Variants in CSMD3 observed in about 807,000 individuals in gnomAD.
CSMD3 encodes CUB and Sushi multiple domains 3.
A neutral mutation model predicts 435.2 loss-of-function variants in CSMD3; 177 were observed. The ratio of observed to expected loss-of-function variants is 0.41; its 90% CI spans 0.36 to 0.46. The LOEUF (loss-of-function observed/expected upper bound fraction) is 0.46. Among genes scored for constraint, CSMD3 ranks in the 20% least tolerant of loss-of-function variants. The pLI, the probability that CSMD3 is intolerant of heterozygous loss-of-function variation, is 0.34. For missense variants in CSMD3, 4,265 were observed against 4,504.6 expected (o/e 0.95, Z 1.52); for synonymous variants, 1,656 against 1,520.5 (o/e 1.09, Z -2.07).
At chr8:112,499,844 C>T (rs1447536365) in intron 30 of CSMD3, among the ~76,000 whole-genome samples, 1 of 151,868 alleles carries the variant, frequency 6.6e-6, no homozygotes, top group Non-Finnish European at 1.5e-5. Flanking sequence ...ATTGGCCAGG[C>T]GTGGTGGCTT....
intron 13 of CSMD3, among the ~76,000 whole-genome samples, chr8:112,701,291 GA>G (rs1420393040): frequency 1.1e-4 from 16 of 152,026 alleles, no homozygotes; most frequent in African/African-American, 3.1e-4. Flanking sequence ...TGATTTTTTT[GA>G]AAAGGGGATT....
At chr8:112,810,633 G>C (rs1461165083) in intron 12 of CSMD3, among the ~76,000 whole-genome samples, 1 of 151,952 alleles carries the variant, frequency 6.6e-6, no homozygotes, top group Non-Finnish European at 1.5e-5. Flanking sequence ...AGTTCAATCT[G>C]TACCCTTAAG....
At chr8:113,199,593 T>C (rs890674416) in intron 3 of CSMD3, among the ~76,000 whole-genome samples, 4 of 151,712 alleles carry the variant, frequency 2.6e-5, no homozygotes, top group Non-Finnish European at 5.9e-5. Context: ...ACACATCTAC[T>C]CTATAGGTTG....
chr8:113,137,743 A>T (rs1225693702), intron 4 of CSMD3, among the ~76,000 whole-genome samples: 1 of 151,588 alleles, frequency 6.6e-6, no homozygotes, highest in Non-Finnish European at 1.5e-5. Flanking sequence ...GAGCAGAACC[A>T]TCATGACTCA....
intron 13 of CSMD3, among the ~76,000 whole-genome samples, chr8:112,754,210 G>GA (rs1182722245): frequency 1.1e-4 from 17 of 152,088 alleles, no homozygotes; most frequent in Non-Finnish European, 2.4e-4. Context: ...ATTTTAAAAA[G>GA]AAAAAACTGC....
At chr8:113,087,411 G>A (rs1396260102) in intron 5 of CSMD3, among the ~76,000 whole-genome samples, 2 of 152,068 alleles carry the variant, frequency 1.3e-5, no homozygotes, top group Admixed American at 6.6e-5. Flanking sequence ...TCAATCCTAA[G>A]CCAAAAGAAC....
intron 38 of CSMD3, among the ~76,000 whole-genome samples, chr8:112,377,866 A>G (rs920518578): frequency 6.6e-6 from 1 of 152,110 alleles, no homozygotes; most frequent in East Asian, 1.9e-4. Flanking sequence ...TAAAGACCAT[A>G]TATGAAAAGC....
At chr8:112,575,670 G>T (rs1165460422) in intron 23 of CSMD3, among the ~76,000 whole-genome samples, 4 of 152,046 alleles carry the variant, frequency 2.6e-5, no homozygotes, top group Admixed American at 2.6e-4. Flanking sequence ...AAATGTTGAG[G>T]TTGGTAGCTC....
chr8:112,521,345 C>G (rs1824262925), intron 27 of CSMD3, among the ~76,000 whole-genome samples: 1 of 151,926 alleles, frequency 6.6e-6, no homozygotes, highest in Non-Finnish European at 1.5e-5. Flanking sequence ...GCTGCCATAT[C>G]CAGTGGTAAC....
intron 5 of CSMD3, among the ~76,000 whole-genome samples, chr8:113,031,421 A>G (rs2131240923): frequency 6.6e-6 from 1 of 151,824 alleles, no homozygotes; most frequent in Non-Finnish European, 1.5e-5. Flanking sequence ...CTCAAAAGTT[A>G]CAGATTATGT....
Position 112,406,532 on chromosome 8 carries a change from G to A in CSMD3, c.5801C>T (p.Thr1934Ile), listed in dbSNP as rs566491248. 1.2e-5 allele frequency: 19 copies of A among 1,602,402 alleles called. No homozygotes were observed. The East Asian group carries it at 1.3e-4, about 11-fold the overall frequency. Residue 1934 changes from threonine to isoleucine, a missense_variant, in exon 35 of 71, where the codon ACT (threonine) becomes ATT (isoleucine). By Grantham distance (89) the Thr-to-Ile change is moderately conservative (BLOSUM62 -1). Transcript: ENST00000297405. Reference sequence around the variant, plus strand: ...CAAATTTATATACTCACCAATACAAGTAGGTAAGGAATCATTCCACTGGGC... The same window carrying A: ...CAAATTTATATACTCACCAATACAAATAGGTAAGGAATCATTCCACTGGGC... ...SLAQWNDSLP[T>I]CIVPCGGILT... is the part of the protein sequence containing the mutation.
chr8:113,417,737 CA>C (rs1458038691), intron 1 of CSMD3, among the ~76,000 whole-genome samples: 4 of 151,848 alleles, frequency 2.6e-5, no homozygotes, highest in Non-Finnish European at 5.9e-5. Context: ...AGCAAGTCTT[CA>C]AGATACATTT....
At chr8:112,503,263 T>G (rs1252237653) in intron 30 of CSMD3, among the ~76,000 whole-genome samples, 1 of 152,072 alleles carries the variant, frequency 6.6e-6, no homozygotes, top group African/African-American at 2.4e-5. Context: ...AACAAAACAA[T>G]GTAGAAATCT....
rs1389065668 is a variant in CSMD3, at chr8:112,332,822, T to G, written c.7165+2507A>C. Among the ~76,000 whole-genome samples the G allele has an allele frequency of 3.3e-5, 5 of 152,284 alleles. No individual in the cohort carries two copies. In the East Asian group the frequency reaches 9.7e-4, roughly 29 times the overall value. On this transcript the variant is annotated intron_variant, in intron 45 of 70. Transcript: ENST00000297405. The stretch of plus-strand genomic sequence containing the variant: ...TGGAAACAGATATTTACTGAACATC[T>G]GCTCTGCCAGGCATTATGCTACCTG...
rs998469680 is a variant in CSMD3, at chr8:112,495,938, A to G, written c.5084-3255T>C. Among the ~76,000 whole-genome samples the G allele has an allele frequency of 1.3e-5, 2 of 151,238 alleles. 1 individual carries two copies. The highest frequency in any genetic ancestry group is 2.9e-5 in the Non-Finnish European group (2 of 67,850). ...GATGTATATGTATATATATATATTTATACTATATATGTTTTATTAGAGCTA... is the reference window on the plus strand; with the variant it reads ...GATGTATATGTATATATATATATTTGTACTATATATGTTTTATTAGAGCTA... On this transcript the variant is annotated intron_variant, in intron 30 of 70. Coordinates refer to ENST00000297405, the MANE Select transcript of CSMD3 (RefSeq NM_198123.2).
At chr8:112,872,021 T>A (rs2081150656) in intron 10 of CSMD3, among the ~76,000 whole-genome samples, 1 of 152,042 alleles carries the variant, frequency 6.6e-6, no homozygotes, top group African/African-American at 2.4e-5. Context: ...GAATTATTGA[T>A]CTATCAAAGA....
At chr8:112,960,759 C>T (rs553418332) in intron 7 of CSMD3, among the ~76,000 whole-genome samples, 5 of 151,522 alleles carry the variant, frequency 3.3e-5, no homozygotes, top group South Asian at 2.1e-4. Flanking sequence ...TAGGGATACA[C>T]GAGAGTTAAC....
At chr8:113,012,222 GATA>G (rs1010242045) in intron 6 of CSMD3, among the ~76,000 whole-genome samples, 4 of 151,484 alleles carry the variant, frequency 2.6e-5, no homozygotes, top group African/African-American at 4.8e-5. Context: ...CATGTTTTGA[GATA>G]ATAATTTAAA....
At chr8:113,017,828 G>A (rs1007640638) in intron 6 of CSMD3, among the ~76,000 whole-genome samples, 4 of 151,934 alleles carry the variant, frequency 2.6e-5, no homozygotes, top group Admixed American at 1.3e-4. Flanking sequence ...TAAGATTCAA[G>A]TTACCATGCC....
Sources: allele counts gnomAD v4.1 joint callset (sites outside exome capture counted in the v4.1 genomes callset), GRCh38; gene constraint gnomAD v4.1.1; transcripts MANE v1.5; gene names NCBI Gene and HGNC (gene_info 2026-07-23, HGNC 2026-07-21).